Variants in MARCHF5 observed in about 807,000 individuals in gnomAD.
MARCHF5 encodes the protein membrane associated ring-CH-type finger 5, also known as E3 ubiquitin-protein ligase MARCHF5.
In MARCHF5, 5 loss-of-function variants were observed where a neutral mutation model predicts 36.5. The ratio of observed to expected loss-of-function variants is 0.14; its 90% CI spans 0.07 to 0.29. MARCHF5 has a LOEUF of 0.29. Ranked by LOEUF, MARCHF5 falls within the 10% of genes least tolerant of loss-of-function variation. MARCHF5 has a pLI of 1.00. For synonymous variants in MARCHF5, 103 were observed against 109.9 expected (o/e 0.94, Z 0.39); for missense variants, 179 against 336.3 (o/e 0.53, Z 3.66).
At position 92,351,430 on chromosome 10, in the gene MARCHF5, T is replaced by C. The variant is rs1590671936; in HGVS notation, c.*223T>C. The C allele has an allele frequency of 1.4e-5, 5 of 365,540 alleles. No homozygotes were observed. The South Asian group carries it at 3.5e-4, about 26-fold the overall frequency. The allele number at this position is 365,540 out of a possible 1,614,324, so 22.6% of individuals were successfully genotyped here. ...TTTGTATGTACTACTTTTATGGCAGTCATATGAACCATTATCTTAGCATGG... is the reference window on the plus strand; with the variant it reads ...TTTGTATGTACTACTTTTATGGCAGCCATATGAACCATTATCTTAGCATGG... On this transcript the variant is annotated 3_prime_UTR_variant, in exon 6 of 6. Transcript: ENST00000358935.
chr10:92,314,527 A>G (rs1843183982), intron 2 of MARCHF5, among the ~76,000 whole-genome samples: 1 of 152,110 alleles, frequency 6.6e-6, no homozygotes, highest in Non-Finnish European at 1.5e-5. Context: ...CTGTAATCCC[A>G]GCTACTTGGG....
intron 3 of MARCHF5, among the ~76,000 whole-genome samples, chr10:92,349,109 T>C (rs1194092856): frequency 6.6e-6 from 1 of 152,222 alleles, no homozygotes; most frequent in Non-Finnish European, 1.5e-5. Flanking sequence ...TCAGTCTGGG[T>C]CAGCCATTTT....
chr10:92,331,927 A>G (rs955756675), intron 2 of MARCHF5, among the ~76,000 whole-genome samples: 1 of 146,122 alleles, frequency 6.8e-6, no homozygotes, highest in South Asian at 2.1e-4. Flanking sequence ...AATCATATAT[A>G]TGTATATATA....
At chr10:92,338,670 G>A (rs1303856806) in intron 2 of MARCHF5, among the ~76,000 whole-genome samples, 1 of 152,134 alleles carries the variant, frequency 6.6e-6, no homozygotes, top group African/African-American at 2.4e-5. Flanking sequence ...TCTTCATACA[G>A]TGACATAGCG....
chr10:92,313,228 C>T (rs1215059530), intron 2 of MARCHF5, among the ~76,000 whole-genome samples: 1 of 151,912 alleles, frequency 6.6e-6, no homozygotes, highest in Non-Finnish European at 1.5e-5. Flanking sequence ...AGCCGAGACT[C>T]CATCTCAAAG....
At chr10:92,299,293 C>A (rs1269056986) in intron 1 of MARCHF5, among the ~76,000 whole-genome samples, 2 of 152,156 alleles carry the variant, frequency 1.3e-5, no homozygotes, top group African/African-American at 2.4e-5. Context: ...ACTTAAAAAT[C>A]TGCCAGTCTC....
chr10:92,347,519 TAGATG>T (rs1564954949), intron 3 of MARCHF5, among the ~76,000 whole-genome samples: 2 of 50,142 alleles, frequency 4.0e-5, no homozygotes, highest in African/African-American at 1.2e-4. Flanking sequence ...GATAGATAGA[TAGATG>T]ATAGATATAT....
intron 1 of MARCHF5, among the ~76,000 whole-genome samples, chr10:92,309,981 T>C (rs1321726862): frequency 3.3e-5 from 5 of 152,184 alleles, no homozygotes; most frequent in Non-Finnish European, 1.5e-5. Context: ...CCTGACTGAA[T>C]TTGAAAGCTG....
At chr10:92,326,281 A>G (rs1294352294) in intron 2 of MARCHF5, among the ~76,000 whole-genome samples, 1 of 152,140 alleles carries the variant, frequency 6.6e-6, no homozygotes, top group Non-Finnish European at 1.5e-5. Context: ...CATTCTAGGC[A>G]CTATGTCGAT....
At chr10:92,324,360 C>A (rs1331992772) in intron 2 of MARCHF5, among the ~76,000 whole-genome samples, 2 of 151,816 alleles carry the variant, frequency 1.3e-5, no homozygotes, top group African/African-American at 2.4e-5. Flanking sequence ...TTCTTTCTTT[C>A]TATTTATTTA....
At chr10:92,311,641 TA>T (rs933385914) in intron 2 of MARCHF5, among the ~76,000 whole-genome samples, 7 of 149,368 alleles carry the variant, frequency 4.7e-5, no homozygotes, top group Middle Eastern at 3.4e-3. Flanking sequence ...AGCTGACTTT[TA>T]AAAAAAAAAC....
chr10:92,309,458 G>T (rs1283043072), intron 1 of MARCHF5, among the ~76,000 whole-genome samples: 1 of 152,118 alleles, frequency 6.6e-6, no homozygotes, highest in East Asian at 1.9e-4. Context: ...CCATAATACT[G>T]ATTAATTATG....
intron 2 of MARCHF5, among the ~76,000 whole-genome samples, chr10:92,322,092 A>C (rs1325161417): frequency 6.6e-6 from 1 of 151,440 alleles, no homozygotes; most frequent in African/African-American, 2.4e-5. Context: ...TAAAAATATA[A>C]AATTAGCCGG....
chr10:92,351,685 A>C lies in MARCHF5; in HGVS notation c.*478A>C, dbSNP rs935204217. ...TGTTAATATGAGGAAATGTAAATTA[A>C]ATTAGTTATAAATAAATAACCAAAA... is the stretch of plus-strand genomic sequence containing the variant. On this transcript the variant is annotated 3_prime_UTR_variant, in exon 6 of 6. Coordinates refer to ENST00000358935, the MANE Select transcript of MARCHF5 (RefSeq NM_017824.5). 6.5e-6 allele frequency: 1 copy of C among 152,676 alleles called. No homozygotes were observed. The highest frequency in any genetic ancestry group is 1.5e-5 in the Non-Finnish European group (1 of 68,066). 9.5% of individuals were successfully genotyped at this position (152,676 alleles called of 1,614,324 possible). A position where few individuals can be genotyped will look rare whatever the true frequency, so the allele number is the denominator to read the frequency against.
At chr10:92,309,101 AAT>A (rs1311791163) in intron 1 of MARCHF5, among the ~76,000 whole-genome samples, 1 of 152,254 alleles carries the variant, frequency 6.6e-6, no homozygotes. Context: ...TGCAGCAAAA[AAT>A]AAGAATAATG....
chr10:92,350,794 G>T, intron 5 of MARCHF5, among the ~76,000 whole-genome samples: 1 of 152,190 alleles, frequency 6.6e-6, no homozygotes, highest in East Asian at 1.9e-4. Flanking sequence ...TCTGCACATA[G>T]TGCCCTAGCA....
intron 2 of MARCHF5, among the ~76,000 whole-genome samples, chr10:92,321,551 G>A (rs990637281): frequency 1.1e-4 from 17 of 151,964 alleles, no homozygotes; most frequent in Non-Finnish European, 2.9e-5. Flanking sequence ...TTTGGTTTTG[G>A]TGCTGGAATC....
At chr10:92,293,405 A>G (rs2135171150) in intron 1 of MARCHF5, among the ~76,000 whole-genome samples, 1 of 152,214 alleles carries the variant, frequency 6.6e-6, no homozygotes, top group Non-Finnish European at 1.5e-5. Context: ...TGCCCAGCCT[A>G]GAAAAGTTCT....
intron 3 of MARCHF5, among the ~76,000 whole-genome samples, chr10:92,342,687 C>T (rs1490057333): frequency 6.6e-6 from 1 of 152,198 alleles, no homozygotes; most frequent in African/African-American, 2.4e-5. Flanking sequence ...TCTTACTCCC[C>T]AGCTTAACAT....
Sources: allele counts gnomAD v4.1 joint callset (sites outside exome capture counted in the v4.1 genomes callset), GRCh38; gene constraint gnomAD v4.1.1; transcripts MANE v1.5; gene names NCBI Gene and HGNC (gene_info 2026-07-23, HGNC 2026-07-21).